Variants in PLEKHD1 observed in about 807,000 individuals in gnomAD.
PLEKHD1 encodes the protein pleckstrin homology and coiled-coil domain containing D1.
In PLEKHD1, 51 loss-of-function variants were observed where a neutral mutation model predicts 69.2. The observed-to-expected ratio is 0.74, with a 90% CI of 0.59 to 0.93. The LOEUF is 0.93. PLEKHD1 is among the 40% of genes least tolerant of loss of function. The probability of loss-of-function intolerance (pLI) is 0.00; values close to 1 mark genes in which losing one functional copy is unlikely to be tolerated. For synonymous variants in PLEKHD1, 236 were observed against 244.7 expected (o/e 0.96, Z 0.33); for missense variants, 584 against 641.0 (o/e 0.91, Z 0.96).
the PLEKHD1 span, among the ~76,000 whole-genome samples, chr14:69,477,498 A>G: frequency 6.6e-6 from 1 of 152,228 alleles, no homozygotes; most frequent in Non-Finnish European, 1.5e-5. Context: ...TCAGAAGTCC[A>G]CAGTCCAAAA....
intron 1 of PLEKHD1, 131 bp from the exon 2 acceptor site, chr14:69,499,984 G>A: frequency 1.5e-6 from 1 of 652,472 alleles, no homozygotes; most frequent in Non-Finnish European, 2.7e-6. Context: ...GCTTGAGTTG[G>A]TAAGGATGGC....
upstream of PLEKHD1, among the ~76,000 whole-genome samples, chr14:69,484,011 T>G (rs1427280815): frequency 6.6e-6 from 1 of 152,230 alleles, no homozygotes; most frequent in African/African-American, 2.4e-5. Context: ...ACTGCACGGA[T>G]AGCTCCAGAC....
rs1452820410 is a variant in PLEKHD1, at chr14:69,484,873, C to T, written c.-93C>T. ...CTCTGCTTCTCTGCTCGCTGGGACG[C>T]TCTCCGACGGCTCCGCCCTCGCCTC... On this transcript the variant is annotated 5_prime_UTR_variant, in exon 1 of 13. Transcript: ENST00000322564. 3 of 1,425,658 alleles carry T rather than the reference C, an allele frequency of 2.1e-6. No homozygotes were observed. Among genetic ancestry groups the T allele is most frequent in the Non-Finnish European group, 2.8e-6 (3 of 1,059,308 alleles). The allele number at this position is 1,425,658 out of a possible 1,614,324, so 88.3% of individuals were successfully genotyped here. A position where few individuals can be genotyped will look rare whatever the true frequency, so the allele number is the denominator to read the frequency against.
intron 6 of PLEKHD1, among the ~76,000 whole-genome samples, chr14:69,507,111 C>T (rs1883170705): frequency 6.6e-6 from 1 of 151,980 alleles, no homozygotes; most frequent in Non-Finnish European, 1.5e-5. Flanking sequence ...AGGATGGCCT[C>T]GAACTCCTGA....
chr14:69,484,798 C>T lies in PLEKHD1; in HGVS notation c.-168C>T, dbSNP rs996235839. The T allele has an allele frequency of 1.6e-5, 12 of 730,720 alleles. No individual in the cohort carries two copies. The highest frequency in any genetic ancestry group is 2.3e-5 in the Non-Finnish European group (11 of 473,564). 45.3% of individuals were successfully genotyped at this position (730,720 alleles called of 1,614,324 possible). On this transcript the variant is annotated 5_prime_UTR_variant, in exon 1 of 13. Coordinates refer to ENST00000322564, the MANE Select transcript of PLEKHD1 (RefSeq NM_001161498.2). Reference sequence around the variant, plus strand: ...CTACGCGCCCTGCGCCCCCTTGGTGCCGCGTCCAGTGCCCAGCGCGCTTTG... The same window carrying T: ...CTACGCGCCCTGCGCCCCCTTGGTGTCGCGTCCAGTGCCCAGCGCGCTTTG...
At chr14:69,489,465 A>C (rs1402468550) in intron 1 of PLEKHD1, among the ~76,000 whole-genome samples, 1 of 145,540 alleles carries the variant, frequency 6.9e-6, no homozygotes, top group Non-Finnish European at 1.5e-5. Flanking sequence ...AGGTTGAGGC[A>C]GGAGAATCGC....
chr14:69,496,679 G>T (rs1432567968), intron 1 of PLEKHD1, among the ~76,000 whole-genome samples: 3 of 149,608 alleles, frequency 2.0e-5, no homozygotes, highest in Non-Finnish European at 4.4e-5. Flanking sequence ...AGAACTACAG[G>T]CATGTACCAC....
At chr14:69,484,707 A>C (rs894535521), upstream of PLEKHD1, 5 of 410,176 alleles carry the variant, frequency 1.2e-5, no homozygotes, top group Non-Finnish European at 2.2e-5. Flanking sequence ...TGCCGGCCCG[A>C]GGCTGAGCCA....
In PLEKHD1 at chr14:69,496,702, ATTT is replaced by A. The variant is rs375368521; in HGVS notation, c.150-3393_150-3391del. ...AGGCATGTACCACCATGCCCAGCTA[ATTT>A]TTTTTTTTTTTTTTTTTTTAATGTA... On this transcript the variant is annotated intron_variant, in intron 1 of 12. Coordinates refer to ENST00000322564, the MANE Select transcript of PLEKHD1 (RefSeq NM_001161498.2). Among the ~76,000 whole-genome samples, 1,052 of 112,918 alleles carry A rather than the reference ATTT, an allele frequency of 9.3e-3. 12 individuals are homozygous for A. The highest frequency in any genetic ancestry group is 0.036 in the African/African-American group (979 of 27,514). 74.1% of individuals were successfully genotyped at this position (112,918 alleles called of 152,430 possible).
intron 10 of PLEKHD1, 124 bp downstream of exon 10, chr14:69,526,953 G>A: frequency 2.2e-6 from 3 of 1,367,406 alleles, no homozygotes; most frequent in Non-Finnish European, 2.9e-6. Flanking sequence ...GCCAGGCATG[G>A]GGGATGGAGC....
At chr14:69,486,957 G>A (rs1229591344) in intron 1 of PLEKHD1, among the ~76,000 whole-genome samples, 2 of 152,256 alleles carry the variant, frequency 1.3e-5, no homozygotes, top group East Asian at 1.9e-4. Flanking sequence ...GGCCCCCAAA[G>A]CCACCCGAAA....
At chr14:69,500,841 A>G in intron 3 of PLEKHD1, 30 bp from the exon 4 acceptor site, 3 of 1,551,218 alleles carry the variant, frequency 1.9e-6, no homozygotes, top group Non-Finnish European at 1.7e-6. Flanking sequence ...GCTGCCTCTC[A>G]GGCATGCGCA....
At chr14:69,485,266 A>G (rs1882630283) in intron 1 of PLEKHD1, among the ~76,000 whole-genome samples, 152 bp downstream of exon 1, 1 of 152,108 alleles carries the variant, frequency 6.6e-6, no homozygotes, top group Non-Finnish European at 1.5e-5. Flanking sequence ...CCGCAGGAAA[A>G]TGTGGACCAT....
At chr14:69,497,264 C>A (rs1882909554) in intron 1 of PLEKHD1, among the ~76,000 whole-genome samples, 1 of 152,194 alleles carries the variant, frequency 6.6e-6, no homozygotes, top group African/African-American at 2.4e-5. Context: ...CCGAAGGACC[C>A]CCAACCCCAG....
rs890353416 is a variant in PLEKHD1, at chr14:69,484,804, C to T, written c.-162C>T. 1.3e-6 allele frequency: 1 copy of T among 782,430 alleles called. No individual in the cohort carries two copies. Among genetic ancestry groups the T allele is most frequent in the African/African-American group, 1.8e-5 (1 of 55,708 alleles). 48.5% of individuals were successfully genotyped at this position (782,430 alleles called of 1,614,324 possible). On this transcript the variant is annotated 5_prime_UTR_variant, in exon 1 of 13. Transcript: ENST00000322564. ...GCCCTGCGCCCCCTTGGTGCCGCGTCCAGTGCCCAGCGCGCTTTGATGCTG... is the reference window on the plus strand; with the variant it reads ...GCCCTGCGCCCCCTTGGTGCCGCGTTCAGTGCCCAGCGCGCTTTGATGCTG...
Position 69,527,209 on chromosome 14 carries a change from G to C in PLEKHD1, c.1078G>C (p.Asp360His), listed in dbSNP as rs926633846. The C allele has an allele frequency of 1.9e-6, 3 of 1,551,084 alleles. No homozygotes were observed. The African/African-American group carries it at 4.1e-5, about 21-fold the overall frequency. Residue 360 changes from aspartate (D) to histidine (H), a missense_variant, in exon 11 of 13, where the codon GAC (aspartate) becomes CAC (histidine). By Grantham distance (81) the Asp-to-His change is moderately conservative (BLOSUM62 -1). Transcript: ENST00000322564. ...ELKAEVKVRMDLERRLREAEG... is the reference protein window; with the variant it reads ...ELKAEVKVRMHLERRLREAEG... The stretch of plus-strand genomic sequence containing the variant: ...TCAGGCTGAGGTGAAGGTCCGCATG[G>C]ACCTGGAGAGGCGTCTCCGGGAGGC...
chr14:69,485,527 G>A (rs530468549), intron 1 of PLEKHD1, among the ~76,000 whole-genome samples: 5 of 152,002 alleles, frequency 3.3e-5, no homozygotes, highest in Admixed American at 6.5e-5. Context: ...GACCCAGGCC[G>A]CGAGGACCGG....
intron 1 of PLEKHD1, among the ~76,000 whole-genome samples, chr14:69,497,637 A>C (rs1414749760): frequency 6.6e-6 from 1 of 152,246 alleles, no homozygotes; most frequent in East Asian, 1.9e-4. Flanking sequence ...GGCAGGGGAC[A>C]GTGAGCTCGG....
rs560833778 is a variant in PLEKHD1, at chr14:69,486,658, G to T, written c.149+1544G>T. 3.9e-5 allele frequency among the ~76,000 whole-genome samples: 6 copies of T among 152,284 alleles called. No individual in the cohort carries two copies. In the South Asian group the frequency reaches 8.3e-4, roughly 21 times the overall value. On this transcript the variant is annotated intron_variant, in intron 1 of 12. Transcript: ENST00000322564. The stretch of plus-strand genomic sequence containing the variant: ...TTCTATTGGGTCTGGCTGCTGTTCT[G>T]GGTCCTGTCAACCAAGACTTCTCTT...
Sources: gnomAD v4.1 joint callset for allele counts (sites outside exome capture counted in the v4.1 genomes callset) on GRCh38, gnomAD v4.1.1 for gene constraint, MANE v1.5 for transcripts, NCBI Gene and HGNC (gene_info 2026-07-23, HGNC 2026-07-21) for gene names.